The following STK3 variants were observed in gnomAD, a reference collection of about 807,000 sequenced individuals.
STK3 encodes the protein serine/threonine-protein kinase 3.
A neutral mutation model predicts 58.0 loss-of-function variants in STK3; 41 were observed. The observed-to-expected ratio is 0.71, with a 90% CI of 0.55 to 0.92. The LOEUF is 0.92. Ranked by LOEUF, STK3 falls within the 40% of genes least tolerant of loss-of-function variation. The probability of loss-of-function intolerance (pLI) is 0.00; values close to 1 mark genes in which losing one functional copy is unlikely to be tolerated. For synonymous variants in STK3, 170 were observed against 191.0 expected (o/e 0.89, Z 0.91); for missense variants, 479 against 602.7 (o/e 0.79, Z 2.15).
intron 6 of STK3, among the ~76,000 whole-genome samples, chr8:98,657,252 C>A (rs1821620488): frequency 6.6e-6 from 1 of 152,156 alleles, no homozygotes; most frequent in South Asian, 2.1e-4. Context: ...ACTGGACACA[C>A]ATCAAATCAT....
intron 7 of STK3, among the ~76,000 whole-genome samples, chr8:98,585,612 GT>G (rs879789416): frequency 6.7e-6 from 1 of 149,704 alleles, no homozygotes; most frequent in Admixed American, 6.7e-5. Flanking sequence ...CTTTAAAGTA[GT>G]TTTTTCCAAT....
chr8:98,844,180 A>G (rs1489576291), intron 3 of STK3, among the ~76,000 whole-genome samples: 2 of 152,236 alleles, frequency 1.3e-5, no homozygotes, highest in African/African-American at 4.8e-5. Context: ...CATTTTGTTT[A>G]GCAAGTAAAA....
intron 7 of STK3, among the ~76,000 whole-genome samples, chr8:98,586,741 T>A (rs1325242496): frequency 2.0e-5 from 3 of 152,058 alleles, no homozygotes; most frequent in Admixed American, 6.5e-5. Flanking sequence ...CTCTTTTTGG[T>A]TGGTAAGCTA....
chr8:98,721,701 T>G (rs1318564816), intron 4 of STK3, among the ~76,000 whole-genome samples: 2 of 152,104 alleles, frequency 1.3e-5, no homozygotes, highest in African/African-American at 4.8e-5. Flanking sequence ...ACATGGAAAC[T>G]ACTAAACTGC....
chr8:98,721,937 A>C (rs1340268502), intron 4 of STK3, among the ~76,000 whole-genome samples: 3 of 152,148 alleles, frequency 2.0e-5, no homozygotes, highest in Admixed American at 6.5e-5. Flanking sequence ...TTTTTTTTTA[A>C]ATCTCTAACC....
rs114305574 is a variant in STK3 at position 98,556,357 on chromosome 8, G to A, written c.949-8196C>T. 9.4e-3 allele frequency among the ~76,000 whole-genome samples: 1,400 copies of A among 149,442 alleles called. 18 individuals carry two copies. The highest frequency in any genetic ancestry group is 0.032 in the African/African-American group (1,323 of 41,302). On this transcript the variant is annotated intron_variant, in intron 8 of 10. Coordinates refer to ENST00000419617, the MANE Select transcript of STK3 (RefSeq NM_006281.4). The stretch of plus-strand genomic sequence containing the variant: ...TCTCAGAGATAAAATCTAGCCAAAC[G>A]TGAACTCACTATCCCAAAGATAAAT...
chr8:98,509,140 A>G (rs552342862), intron 10 of STK3, among the ~76,000 whole-genome samples: 2 of 152,216 alleles, frequency 1.3e-5, no homozygotes, highest in East Asian at 3.9e-4. Flanking sequence ...AGAAGGCAAA[A>G]TAATTATACG....
intron 1 of STK3, among the ~76,000 whole-genome samples, chr8:98,818,716 T>G (rs2131719487): frequency 6.6e-6 from 1 of 152,346 alleles, no homozygotes; most frequent in Admixed American, 6.5e-5. Flanking sequence ...CACTTTGTAA[T>G]TCTCATTTTG....
intron 2 of STK3, among the ~76,000 whole-genome samples, chr8:98,377,097 T>A (rs1243471285): frequency 6.6e-6 from 1 of 152,140 alleles, no homozygotes; most frequent in Non-Finnish European, 1.5e-5. Flanking sequence ...ATGCTGTCAT[T>A]TTAGACATCA....
At chr8:98,569,672 AATG>A (rs1349334685) in intron 8 of STK3, among the ~76,000 whole-genome samples, 2 of 152,038 alleles carry the variant, frequency 1.3e-5, no homozygotes, top group African/African-American at 4.8e-5. Context: ...AATAACATGT[AATG>A]ATAATATGAT....
chr8:98,751,758 G>A (rs1301420920), intron 3 of STK3, among the ~76,000 whole-genome samples: 1 of 152,172 alleles, frequency 6.6e-6, no homozygotes, highest in Admixed American at 6.5e-5. Flanking sequence ...TGGCCAACAC[G>A]GTGAAACCCC....
intron 6 of STK3, among the ~76,000 whole-genome samples, chr8:98,649,579 T>A (rs887610143): frequency 6.6e-6 from 1 of 152,204 alleles, no homozygotes; most frequent in Non-Finnish European, 1.5e-5. Flanking sequence ...TGAGCTCAAA[T>A]TTTCACATTT....
intron 1 of STK3, among the ~76,000 whole-genome samples, chr8:98,913,388 C>A (rs1839225065): frequency 6.6e-6 from 1 of 152,178 alleles, no homozygotes; most frequent in African/African-American, 2.4e-5. Context: ...GGTAGAGAAG[C>A]TGTTGTTTGT....
At chr8:98,404,830 A>G (rs1301569899) in intron 3 of STK3, among the ~76,000 whole-genome samples, 1 of 152,158 alleles carries the variant, frequency 6.6e-6, no homozygotes, top group African/African-American at 2.4e-5. Flanking sequence ...CAGCCTGGGC[A>G]ACAGAGTGAG....
At chr8:98,359,253 A>C in the STK3 span, among the ~76,000 whole-genome samples, 1 of 150,562 alleles carries the variant, frequency 6.6e-6, no homozygotes. Context: ...CACGCCTGTA[A>C]TCCCAACATT....
intron 1 of STK3, among the ~76,000 whole-genome samples, chr8:98,888,717 A>G (rs766138998): frequency 3.9e-4 from 59 of 152,296 alleles, no homozygotes; most frequent in Non-Finnish European, 2.9e-4. Flanking sequence ...TAGAAACCCA[A>G]TTTTCAAGTA....
At chr8:98,847,596 T>C (rs1836258931) in intron 3 of STK3, among the ~76,000 whole-genome samples, 1 of 152,194 alleles carries the variant, frequency 6.6e-6, no homozygotes, top group South Asian at 2.1e-4. Context: ...TTGTCTTTAG[T>C]AGCAGAATTA....
intron 6 of STK3, among the ~76,000 whole-genome samples, chr8:98,700,242 G>A (rs75279022): frequency 0.02 from 3,027 of 152,262 alleles, 123 homozygotes; most frequent in African/African-American, 0.068. Flanking sequence ...GGGTGGGAGC[G>A]ACCCGATTTT....
At chr8:98,865,582 G>T in intron 3 of STK3, among the ~76,000 whole-genome samples, 1 of 152,026 alleles carries the variant, frequency 6.6e-6, no homozygotes, top group South Asian at 2.1e-4. Flanking sequence ...TGCCCAGGCT[G>T]GTCTTTGTCC....
Sources: allele counts gnomAD v4.1 joint callset (sites outside exome capture counted in the v4.1 genomes callset), GRCh38; gene constraint gnomAD v4.1.1; transcripts MANE v1.5; gene names NCBI Gene and HGNC (gene_info 2026-07-23, HGNC 2026-07-21).